The following TRAPPC9 variants were observed in gnomAD, a reference collection of about 807,000 sequenced individuals.
TRAPPC9 encodes trafficking protein particle complex subunit 9, also known as IKK2 binding protein.
Under a neutral mutation model 124.0 loss-of-function variants are expected in TRAPPC9, and 83 were observed. The observed-to-expected ratio is 0.67, with a 90% CI of 0.56 to 0.80. The LOEUF is 0.80. Among genes scored for constraint, TRAPPC9 ranks in the 30% least tolerant of loss-of-function variants. The pLI is 0.00. For synonymous variants in TRAPPC9, 638 were observed against 617.5 expected, an observed-to-expected ratio of 1.03 and a Z score of -0.49; for missense variants, 1,302 against 1,508.3, an observed-to-expected ratio of 0.86 and a Z score of 2.27.
intron 21 of TRAPPC9, among the ~76,000 whole-genome samples, chr8:139,772,618 A>G (rs1776030927): frequency 6.6e-6 from 1 of 152,228 alleles, no homozygotes; most frequent in African/African-American, 2.4e-5. Flanking sequence ...CCCAGGGGTT[A>G]TCTAAACGCA....
rs1586794807 is a variant in TRAPPC9, at chr8:139,764,019, G to C, written c.3056-31817C>G. On this transcript the variant is annotated intron_variant, in intron 21 of 22. Transcript: ENST00000438773. ...TAGATACACGGTAGGTCTGCCGATG[G>C]GGGGTTGTGACCCCAGGGAGAACGG... Among the ~76,000 whole-genome samples, 4 of 152,230 alleles carry C rather than the reference G, an allele frequency of 2.6e-5. No individual in the cohort carries two copies. The South Asian group carries it at 8.3e-4, about 32-fold the overall frequency.
rs1822459525 is a variant in TRAPPC9 at position 139,788,835 on chromosome 8, G to A, written c.3056-56633C>T. Among the ~76,000 whole-genome samples, 2 of 152,172 alleles carry A rather than the reference G, an allele frequency of 1.3e-5. No individual in the cohort carries two copies. The highest frequency in any genetic ancestry group is 6.5e-5 in the Admixed American group (1 of 15,284). On this transcript the variant is annotated intron_variant, in intron 21 of 22. Coordinates refer to ENST00000438773, the MANE Select transcript of TRAPPC9 (RefSeq NM_001160372.4). The surrounding 1 kb of genome is among the most constrained non-coding windows in gnomAD (Gnocchi z 4.9). ...GCCTTCACAAGAGGTGTGGTGGGGG[G>A]CTTTCAGAAACAAAACAAGATATTG...
At chr8:140,142,528 C>T (rs2061398445) in intron 17 of TRAPPC9, among the ~76,000 whole-genome samples, 1 of 152,242 alleles carries the variant, frequency 6.6e-6, no homozygotes, top group Non-Finnish European at 1.5e-5. Context: ...ACATTGGAGA[C>T]AACAGGCTGG....
chr8:140,038,986 C>T (rs114286848), intron 17 of TRAPPC9, among the ~76,000 whole-genome samples: 144 of 152,260 alleles, frequency 9.5e-4, no homozygotes, highest in African/African-American at 3.3e-3. Context: ...GGGGAAGGAG[C>T]GGAGCGAGAA....
At chr8:139,795,118 G>A (rs1223006139) in intron 21 of TRAPPC9, among the ~76,000 whole-genome samples, 16 of 152,128 alleles carry the variant, frequency 1.1e-4, no homozygotes, top group Non-Finnish European at 1.5e-5. Flanking sequence ...CAAAGACAAC[G>A]GGCAGGCACA....
chr8:140,357,965 C>G (rs1310764209), intron 9 of TRAPPC9, among the ~76,000 whole-genome samples: 3 of 152,194 alleles, frequency 2.0e-5, no homozygotes, highest in African/African-American at 7.2e-5. Context: ...CACCAGAAGT[C>G]CTCAACAGAA....
At chr8:140,150,441 C>T (rs192422911) in intron 17 of TRAPPC9, among the ~76,000 whole-genome samples, 33 of 152,296 alleles carry the variant, frequency 2.2e-4, no homozygotes, top group Non-Finnish European at 3.8e-4. Flanking sequence ...ACGAGCAAAA[C>T]ACTGTCTCAA....
chr8:140,252,954 T>C lies in TRAPPC9; in HGVS notation c.2279-25A>G. Reference sequence around the variant, plus strand: ...TCTGTAATAATAACAATGACAGTGATGAGGATGCTGTAACTGAGGCAGTAT... The same window carrying C: ...TCTGTAATAATAACAATGACAGTGACGAGGATGCTGTAACTGAGGCAGTAT... On this transcript the variant is annotated intron_variant, in intron 15 of 22. Transcript: ENST00000438773. This position sits in a 1 kb window ranked among gnomAD's most constrained non-coding sequence, Gnocchi z 4.2. 2 of 1,612,486 alleles carry C rather than the reference T, an allele frequency of 1.2e-6. No homozygotes were observed. The highest frequency in any genetic ancestry group is 1.3e-5 in the African/African-American group (1 of 75,038).
At chr8:139,952,606 A>C (rs1027594359) in intron 19 of TRAPPC9, among the ~76,000 whole-genome samples, 1 of 152,102 alleles carries the variant, frequency 6.6e-6, no homozygotes, top group African/African-American at 2.4e-5. Flanking sequence ...GGATAGAAAA[A>C]AGACTCAGAG....
chr8:139,773,815 T>G (rs1412468805), intron 21 of TRAPPC9, among the ~76,000 whole-genome samples: 1 of 152,250 alleles, frequency 6.6e-6, no homozygotes, highest in African/African-American at 2.4e-5. Flanking sequence ...AATTCAGCTC[T>G]TCCTATGTGC....
At chr8:140,438,239 A>G (rs1460204851) in intron 3 of TRAPPC9, among the ~76,000 whole-genome samples, 1 of 152,078 alleles carries the variant, frequency 6.6e-6, no homozygotes, top group Non-Finnish European at 1.5e-5. Flanking sequence ...GCCACTTCAT[A>G]TATATAGAAT....
At chr8:139,753,775 G>A (rs1199271990) in intron 21 of TRAPPC9, among the ~76,000 whole-genome samples, 3 of 152,208 alleles carry the variant, frequency 2.0e-5, no homozygotes, top group Non-Finnish European at 4.4e-5. Context: ...CATGGACTAA[G>A]GGTGACCGCG....
chr8:140,085,463 T>C (rs1188281411), intron 17 of TRAPPC9, among the ~76,000 whole-genome samples: 1 of 152,160 alleles, frequency 6.6e-6, no homozygotes, highest in Non-Finnish European at 1.5e-5. Flanking sequence ...TTCTTTTCCA[T>C]GCAGAAGCTC....
intron 15 of TRAPPC9, among the ~76,000 whole-genome samples, chr8:140,253,854 G>C (rs1416668023): frequency 6.6e-6 from 1 of 152,194 alleles, no homozygotes; most frequent in East Asian, 1.9e-4. Flanking sequence ...ACTAACTCGA[G>C]TGCCATGGAG....
intron 20 of TRAPPC9, among the ~76,000 whole-genome samples, chr8:139,888,740 G>T (rs553471063): frequency 9.2e-5 from 14 of 152,258 alleles, no homozygotes; most frequent in South Asian, 4.2e-4. Context: ...AACTGATATT[G>T]TTACTGACAA....
rs374395037 is a variant in TRAPPC9 at position 139,827,913 on chromosome 8, A to C, written c.3055+57966T>G. Among the ~76,000 whole-genome samples, 4 of 152,270 alleles carry C rather than the reference A, an allele frequency of 2.6e-5. No homozygotes were observed. The East Asian group carries it at 5.8e-4, about 22-fold the overall frequency. ...GGGAGCAGGCGTGTCACACAGTGAG[A>C]GCAAAAGTGGGAACAAGGCAGGGAG... On this transcript the variant is annotated intron_variant, in intron 21 of 22. Transcript: ENST00000438773.
chr8:140,293,909 G>T (rs1254811783), intron 11 of TRAPPC9, among the ~76,000 whole-genome samples: 1 of 151,674 alleles, frequency 6.6e-6, no homozygotes, highest in East Asian at 1.9e-4. Flanking sequence ...TTAATACAGT[G>T]CCCACCAGGT....
At chr8:139,950,065 G>A (rs879492470) in intron 19 of TRAPPC9, among the ~76,000 whole-genome samples, 5 of 152,182 alleles carry the variant, frequency 3.3e-5, no homozygotes, top group African/African-American at 4.8e-5. Context: ...AAGGTAGCAC[G>A]GCACCCCCTA....
chr8:139,835,912 A>G (rs1162432203), intron 21 of TRAPPC9, among the ~76,000 whole-genome samples: 3 of 152,242 alleles, frequency 2.0e-5, no homozygotes, highest in Admixed American at 2.0e-4. Context: ...CTGTTTGGAC[A>G]GGTTATATAT....
Sources: allele counts gnomAD v4.1 joint callset (sites outside exome capture counted in the v4.1 genomes callset), GRCh38; gene constraint gnomAD v4.1.1; non-coding constraint Gnocchi (gnomAD v3.1); transcripts MANE v1.5; gene names NCBI Gene and HGNC (gene_info 2026-07-23, HGNC 2026-07-21).